KIF21A: variants seen among roughly 807,000 people sequenced by gnomAD.
The protein encoded by KIF21A is kinesin family member 21A.
In KIF21A, 114 loss-of-function variants were observed where a neutral mutation model predicts 202.9. The ratio of observed to expected loss-of-function variants is 0.56; its 90% CI spans 0.48 to 0.66. KIF21A has a LOEUF of 0.66. Among genes scored for constraint, KIF21A ranks in the 30% least tolerant of loss-of-function variants. The pLI is 0.00. For synonymous variants in KIF21A, 667 were observed against 670.8 expected (o/e 0.99, Z 0.09); for missense variants, 1,677 against 1,994.9 (o/e 0.84, Z 3.04).
chr12:39,334,200 C>CAAAAAA (rs576176350), intron 17 of KIF21A, among the ~76,000 whole-genome samples: 23 of 63,622 alleles, frequency 3.6e-4, no homozygotes, highest in Non-Finnish European at 4.7e-4. Flanking sequence ...GACTCCATCT[C>CAAAAAA]AAAAAAAAAA....
rs200395776 is a variant in KIF21A, at chr12:39,406,105, AAAAC to A, written c.45-35848_45-35845del. Reference sequence around the variant, plus strand: ...ATTTGAAGTAACAGAACAGAGCCTGAAAACAAACAAACAAAAAAAATTATTCTAT... The same window carrying A: ...ATTTGAAGTAACAGAACAGAGCCTGAAAACAAACAAAAAAAATTATTCTAT... On this transcript the variant is annotated intron_variant, in intron 1 of 37. Transcript: ENST00000361418. 2.5e-3 allele frequency among the ~76,000 whole-genome samples: 381 copies of A among 152,296 alleles called. 4 individuals are homozygous for A. Among genetic ancestry groups the A allele is most frequent in the Admixed American group, 0.018 (273 of 15,288 alleles).
At position 39,436,448 on chromosome 12, in the gene KIF21A, A is replaced by ATT. The variant is rs1160949360; in HGVS notation, c.44+6477_44+6478dup. On this transcript the variant is annotated intron_variant, in intron 1 of 37. Transcript: ENST00000361418. The stretch of plus-strand genomic sequence containing the variant: ...TATATATATATATATATATATATAT[A>ATT]TTTTTTTTTTTTTTAGACAGGGTTT... Among the ~76,000 whole-genome samples the ATT allele has an allele frequency of 9.7e-4, 93 of 95,740 alleles. 5 individuals are homozygous for ATT. The highest frequency in any genetic ancestry group is 2.4e-3 in the South Asian group (6 of 2,546). 62.8% of individuals were successfully genotyped at this position (95,740 alleles called of 152,430 possible).
intron 26 of KIF21A, among the ~76,000 whole-genome samples, chr12:39,323,829 G>A (rs1039617876): frequency 2.0e-5 from 3 of 151,848 alleles, no homozygotes; most frequent in Non-Finnish European, 2.9e-5. Context: ...TATGAGATCC[G>A]GCAGGGTGCG....
chr12:39,309,812 A>G (rs201972004), intron 32 of KIF21A, 46 bp from the exon 33 acceptor site: 2 of 1,456,048 alleles, frequency 1.4e-6, no homozygotes, highest in East Asian at 2.3e-5. Context: ...AATATGAACT[A>G]CTTTAGGTTC....
chr12:39,342,667 CT>C (rs752565711), intron 12 of KIF21A, among the ~76,000 whole-genome samples: 55 of 152,240 alleles, frequency 3.6e-4, no homozygotes, highest in Admixed American at 1.6e-3. Flanking sequence ...GGCACAGGCT[CT>C]TTTTTCTTAG....
intron 1 of KIF21A, among the ~76,000 whole-genome samples, chr12:39,436,716 A>G (rs535833436): frequency 1.5e-4 from 22 of 150,922 alleles, no homozygotes; most frequent in African/African-American, 5.1e-4. Flanking sequence ...ATTGTATGGT[A>G]TCATGAAAAC....
rs993617240 is a variant in KIF21A at position 39,416,521 on chromosome 12, G to C, written c.44+26406C>G. ...CGAGGCAGGAGAATCGCTTGAACCCGGGAGGTGGAGGTTGCAGTGAGCCAA... is the reference window on the plus strand; with the variant it reads ...CGAGGCAGGAGAATCGCTTGAACCCCGGAGGTGGAGGTTGCAGTGAGCCAA... On this transcript the variant is annotated intron_variant, in intron 1 of 37. Coordinates refer to ENST00000361418, the MANE Select transcript of KIF21A (RefSeq NM_001173464.2). 3.3e-5 allele frequency among the ~76,000 whole-genome samples: 5 copies of C among 151,086 alleles called. No individual in the cohort carries two copies. The South Asian group carries it at 1.0e-3, about 32-fold the overall frequency.
At chr12:39,328,050 T>C (rs1158742156) in intron 24 of KIF21A, among the ~76,000 whole-genome samples, 1 of 152,144 alleles carries the variant, frequency 6.6e-6, no homozygotes, top group African/African-American at 2.4e-5. Context: ...ATTTAAAAAT[T>C]TAACATTGCA....
intron 10 of KIF21A, among the ~76,000 whole-genome samples, chr12:39,355,738 A>G (rs1948734821): frequency 1.0e-5 from 1 of 100,164 alleles, no homozygotes; most frequent in Admixed American, 9.3e-5. Context: ...TATATATGTT[A>G]TATGCATAAC....
intron 1 of KIF21A, among the ~76,000 whole-genome samples, chr12:39,377,814 AATGACAAAG>A (rs1950360751): frequency 6.6e-6 from 1 of 152,320 alleles, no homozygotes; most frequent in Admixed American, 6.5e-5. Context: ...TACTTTTATG[AATGACAAAG>A]ATGAAGAAAA....
intron 16 of KIF21A, 55 bp downstream of exon 16, chr12:39,340,110 C>G: frequency 1.4e-6 from 2 of 1,395,960 alleles, no homozygotes; most frequent in Non-Finnish European, 1.0e-6. Context: ...TTTTTTGTCC[C>G]AAATGACAAA....
chr12:39,391,273 G>T (rs1197005061), intron 1 of KIF21A, among the ~76,000 whole-genome samples: 1 of 152,100 alleles, frequency 6.6e-6, no homozygotes, highest in Non-Finnish European at 1.5e-5. Flanking sequence ...GTAGCAAATA[G>T]CAAGTTTGGA....
At chr12:39,407,884 C>CTAAATATATTTAGCATA (rs1159643156) in intron 1 of KIF21A, among the ~76,000 whole-genome samples, 2 of 144,952 alleles carry the variant, frequency 1.4e-5, no homozygotes, top group Admixed American at 1.4e-4. Context: ...AAATCAGTAG[C>CTAAATATATTTAGCATA]TAAATATATT....
Position 39,357,355 on chromosome 12 carries a change from T to G in KIF21A, c.1298A>C (p.Asn433Thr). 4 of 1,614,122 alleles carry G rather than the reference T, an allele frequency of 2.5e-6. No individual in the cohort carries two copies. Among genetic ancestry groups the G allele is most frequent in the Non-Finnish European group, 2.5e-6 (3 of 1,179,954 alleles). Reference sequence around the variant, plus strand: ...GGCTTTAATTCTTACACGCAGGTTATTATTTTCAGTCTGTAGCATAGCATT... The same window carrying G: ...GGCTTTAATTCTTACACGCAGGTTAGTATTTTCAGTCTGTAGCATAGCATT... ...HENAMLQTEN[N>T]NLRVRIKAMQ... Residue 433 changes from asparagine to threonine, a missense_variant, in exon 9 of 38, where the codon AAT becomes ACT. Asn to Thr is a moderately conservative substitution (Grantham distance 65). Around this residue, in one of 3 missense-constraint regions of KIF21A, gnomAD observed 966 missense variants for 1,180.9 expected, o/e 0.82. Coordinates refer to ENST00000361418, the MANE Select transcript of KIF21A (RefSeq NM_001173464.2).
chr12:39,382,844 T>C (rs1482753582), intron 1 of KIF21A, among the ~76,000 whole-genome samples: 1 of 152,218 alleles, frequency 6.6e-6, no homozygotes, highest in East Asian at 1.9e-4. Context: ...AAATTACCTT[T>C]CTAATAAACT....
intron 24 of KIF21A, among the ~76,000 whole-genome samples, chr12:39,326,612 T>G (rs1945949592): frequency 6.6e-6 from 1 of 152,196 alleles, no homozygotes; most frequent in Non-Finnish European, 1.5e-5. Context: ...ATATGAATAC[T>G]GAAGAGTCAT....
At chr12:39,301,732 T>C (rs1347693729) in intron 36 of KIF21A, 53 bp from the exon 37 acceptor site, 15 of 1,436,374 alleles carry the variant, frequency 1.0e-5, no homozygotes, top group Non-Finnish European at 1.4e-5. Context: ...CAAACTGACA[T>C]TTTCACATGA....
chr12:39,367,418 A>C (rs2139119662), intron 4 of KIF21A, among the ~76,000 whole-genome samples: 1 of 152,280 alleles, frequency 6.6e-6, no homozygotes, highest in Admixed American at 6.5e-5. Context: ...CCATTCCAAA[A>C]CTGTTATAGT....
intron 1 of KIF21A, among the ~76,000 whole-genome samples, chr12:39,401,291 C>T (rs138141929): frequency 6.6e-6 from 1 of 151,986 alleles, no homozygotes; most frequent in African/African-American, 2.4e-5. Flanking sequence ...AGTTTTCAAA[C>T]GAGCTAAAAG....
Sources: gnomAD v4.1 joint callset for allele counts (sites outside exome capture counted in the v4.1 genomes callset) on GRCh38, gnomAD v4.1.1 for gene constraint, gnomAD v4.1.1 regional missense constraint, MANE v1.5 for transcripts, NCBI Gene and HGNC (gene_info 2026-07-23, HGNC 2026-07-21) for gene names.